The following DPYD variants were observed in gnomAD, a reference collection of about 807,000 sequenced individuals.
DPYD encodes dihydropyrimidine dehydrogenase, also known as dihydropyrimidine dehydrogenase [NADP(+)].
A neutral mutation model predicts 116.2 loss-of-function variants in DPYD; 109 were observed. The observed-to-expected ratio is 0.94, with a 90% CI of 0.80 to 1.10. The LOEUF (loss-of-function observed/expected upper bound fraction) is 1.10. Ranked by LOEUF, DPYD falls within the 50% of genes least tolerant of loss-of-function variation. DPYD has a pLI of 0.00. For synonymous variants in DPYD, 440 were observed against 432.0 expected (o/e 1.02, Z -0.23); for missense variants, 1,302 against 1,254.5 (o/e 1.04, Z -0.57).
chr1:97,779,515 T>C (rs987689095), intron 3 of DPYD, among the ~76,000 whole-genome samples: 3 of 152,246 alleles, frequency 2.0e-5, no homozygotes, highest in South Asian at 4.1e-4. Context: ...ACCCTCTTTT[T>C]GAGTATCCAC....
intron 20 of DPYD, among the ~76,000 whole-genome samples, chr1:97,143,043 C>T (rs1182299505): frequency 6.6e-6 from 1 of 151,820 alleles, no homozygotes; most frequent in African/African-American, 2.4e-5. Context: ...TGGGTATTAT[C>T]ATAGCTTTTT....
rs10677535 is a variant in DPYD at position 97,176,868 on chromosome 1, A to ATG, written c.2622+16199_2622+16200dup. Among the ~76,000 whole-genome samples, 1,015 of 146,634 alleles carry ATG rather than the reference A, an allele frequency of 6.9e-3. 13 individuals are homozygous for ATG. Among genetic ancestry groups the ATG allele is most frequent in the Middle Eastern group, 0.018 (5 of 282 alleles). On this transcript the variant is annotated intron_variant, in intron 20 of 22. Coordinates refer to ENST00000370192, the MANE Select transcript of DPYD (RefSeq NM_000110.4). ...ATACCAGTATTCAAGGGACAAAAAAATGTGTGTGTGTGTGTGTGTGTGTGT... is the reference window on the plus strand; with the variant it reads ...ATACCAGTATTCAAGGGACAAAAAAATGTGTGTGTGTGTGTGTGTGTGTGTGT...
At chr1:97,517,876 A>G (rs1009542183) in intron 12 of DPYD, among the ~76,000 whole-genome samples, 1 of 152,130 alleles carries the variant, frequency 6.6e-6, no homozygotes, top group African/African-American at 2.4e-5. Flanking sequence ...ACTTACAAGT[A>G]TTCTTCTCTT....
intron 12 of DPYD, among the ~76,000 whole-genome samples, chr1:97,541,650 A>T (rs529450813): frequency 6.6e-6 from 1 of 152,306 alleles, no homozygotes; most frequent in South Asian, 2.1e-4. Context: ...TTATGTAATA[A>T]ATAATAAAAT....
intron 18 of DPYD, among the ~76,000 whole-genome samples, chr1:97,279,588 G>A (rs960568993): frequency 1.3e-4 from 20 of 152,154 alleles, no homozygotes; most frequent in African/African-American, 4.3e-4. Context: ...TTGGGTCACC[G>A]CAACCTCCGC....
At chr1:97,883,740 T>A in intron 1 of DPYD, 1 of 360,542 alleles carries the variant, frequency 2.8e-6, no homozygotes, top group South Asian at 2.3e-5. Context: ...AGCCACCATG[T>A]CTGGTAGCAT....
intron 16 of DPYD, among the ~76,000 whole-genome samples, chr1:97,371,661 A>G (rs1032311422): frequency 2.6e-5 from 4 of 152,218 alleles, no homozygotes; most frequent in Admixed American, 2.0e-4. Flanking sequence ...AAAATATGGA[A>G]CATTCATGTG....
intron 18 of DPYD, among the ~76,000 whole-genome samples, chr1:97,291,675 T>G (rs1253360773): frequency 2.8e-5 from 4 of 142,426 alleles, no homozygotes; most frequent in Non-Finnish European, 6.1e-5. Flanking sequence ...CATCACACTC[T>G]GGGGACTGTT....
chr1:97,669,092 G>T (rs1659721195), intron 8 of DPYD, among the ~76,000 whole-genome samples: 1 of 151,786 alleles, frequency 6.6e-6, no homozygotes, highest in South Asian at 2.1e-4. Flanking sequence ...TTTGTGTATG[G>T]TGGGGGTGGG....
intron 12 of DPYD, among the ~76,000 whole-genome samples, chr1:97,525,789 A>AGAGAGAGAGAGAGAGT (rs1431555133): frequency 1.8e-4 from 25 of 142,694 alleles, no homozygotes; most frequent in East Asian, 8.2e-4. Flanking sequence ...AGAGAGAGAG[A>AGAGAGAGAGAGAGAGT]GTGTGTGTGT....
At chr1:97,514,912 A>C (rs903502506) in intron 13 of DPYD, among the ~76,000 whole-genome samples, 2 of 151,946 alleles carry the variant, frequency 1.3e-5, no homozygotes, top group Non-Finnish European at 2.9e-5. Flanking sequence ...CCTAAGGATA[A>C]AGCTGATTCA....
intron 10 of DPYD, among the ~76,000 whole-genome samples, chr1:97,583,643 G>A (rs201247275): frequency 4.0e-5 from 5 of 126,060 alleles, no homozygotes; most frequent in Middle Eastern, 4.3e-3. Context: ...TTGCTTGCTC[G>A]TATTTCCTTT....
chr1:97,276,277 T>C (rs1664921521), intron 18 of DPYD, among the ~76,000 whole-genome samples: 1 of 152,064 alleles, frequency 6.6e-6, no homozygotes, highest in African/African-American at 2.4e-5. Context: ...TCAAAAGCAA[T>C]TGCAACAACA....
intron 12 of DPYD, among the ~76,000 whole-genome samples, chr1:97,534,138 A>G (rs1053365808): frequency 1.3e-5 from 2 of 152,176 alleles, no homozygotes; most frequent in Admixed American, 6.5e-5. Context: ...TCATTGGCCA[A>G]CCACCAACAA....
intron 19 of DPYD, among the ~76,000 whole-genome samples, chr1:97,231,309 C>G (rs1339190935): frequency 1.3e-5 from 2 of 152,126 alleles, no homozygotes; most frequent in African/African-American, 4.8e-5. Flanking sequence ...GGCTGTGAAA[C>G]TCTAGATGGG....
chr1:97,282,612 T>C (rs1489837049), intron 18 of DPYD, among the ~76,000 whole-genome samples: 3 of 152,132 alleles, frequency 2.0e-5, no homozygotes, highest in Non-Finnish European at 4.4e-5. Context: ...AAGGGGTACA[T>C]GTGCAGGTTT....
At chr1:97,109,171 T>C (rs983165152) in intron 20 of DPYD, among the ~76,000 whole-genome samples, 22 of 152,118 alleles carry the variant, frequency 1.4e-4, no homozygotes, top group African/African-American at 5.3e-4. Context: ...CAGACAGCTG[T>C]TACTATTTTG....
At position 97,316,586 on chromosome 1, in the gene DPYD, A is replaced by C. The variant is rs182909227; in HGVS notation, c.2059-10289T>G. ...TATCATTCATTGAGAGGTCAGATGA[A>C]ACTTCTTCCAGGTGTGTTGGGCCTC... On this transcript the variant is annotated intron_variant, in intron 16 of 22. Coordinates refer to ENST00000370192, the MANE Select transcript of DPYD (RefSeq NM_000110.4). 7.7e-5 allele frequency among the ~76,000 whole-genome samples: 11 copies of C among 142,956 alleles called. No homozygotes were observed. In the East Asian group the frequency reaches 1.7e-3, roughly 22 times the overall value. 93.8% of individuals were successfully genotyped at this position (142,956 alleles called of 152,430 possible).
intron 21 of DPYD, among the ~76,000 whole-genome samples, chr1:97,084,634 T>A (rs1386022212): frequency 6.6e-6 from 1 of 152,128 alleles, no homozygotes; most frequent in East Asian, 1.9e-4. Flanking sequence ...CATTTAATAG[T>A]TGATGATGTG....
Sources: gnomAD v4.1 joint callset for allele counts (sites outside exome capture counted in the v4.1 genomes callset) on GRCh38, gnomAD v4.1.1 for gene constraint, MANE v1.5 for transcripts, NCBI Gene and HGNC (gene_info 2026-07-23, HGNC 2026-07-21) for gene names.